Variants in CHL1 observed in about 807,000 individuals in gnomAD.
CHL1 encodes the protein cell adhesion molecule L1 like.
CHL1 carries 96 observed loss-of-function variants against 141.9 expected under a neutral mutation model. The ratio of observed to expected loss-of-function variants is 0.68; its 90% CI spans 0.57 to 0.80. The LOEUF is 0.80. CHL1 is among the 30% of genes least tolerant of loss of function. The pLI is 0.00. For synonymous variants in CHL1, 613 were observed against 502.2 expected, an observed-to-expected ratio of 1.22 and a Z score of -2.95; for missense variants, 1,820 against 1,457.2, an observed-to-expected ratio of 1.25 and a Z score of -4.05.
intron 1 of CHL1, among the ~76,000 whole-genome samples, chr3:240,142 T>A (rs1692412683): frequency 6.6e-6 from 1 of 152,218 alleles, no homozygotes; most frequent in African/African-American, 2.4e-5. Context: ...ATGGTAGAGC[T>A]ACTTTTAGTT....
Position 389,302 on chromosome 3 carries a change from C to G in CHL1, c.2298C>G (p.Thr766=). Residue 766 remains threonine (T), a synonymous_variant, in exon 20 of 28, where the codon ACC becomes ACG. Coordinates refer to ENST00000256509, the MANE Select transcript of CHL1 (RefSeq NM_006614.4). ...GACCAGGCCTAGAGTACAGAGTGACCTGGAAGCCACAGGGAGCCCCAGTGG... is the reference window on the plus strand; with the variant it reads ...GACCAGGCCTAGAGTACAGAGTGACGTGGAAGCCACAGGGAGCCCCAGTGG... ...QNGPGLEYRV[T]WKPQGAPVEW... is the part of the protein sequence containing the mutation. 6.2e-7 allele frequency: 1 copy of G among 1,613,958 alleles called. No homozygotes were observed. The highest frequency in any genetic ancestry group is 2.2e-5 in the East Asian group (1 of 44,868).
At chr3:254,908 A>G (rs1471926508) in intron 2 of CHL1, among the ~76,000 whole-genome samples, 3 of 152,168 alleles carry the variant, frequency 2.0e-5, no homozygotes, top group Non-Finnish European at 4.4e-5. Flanking sequence ...TTAAGTCTCA[A>G]CACTTGAATT....
Position 383,799 on chromosome 3 carries a change from T to C in CHL1, c.2177-17T>C. On this transcript the variant is annotated splice_polypyrimidine_tract_variant and intron_variant, in intron 18 of 27. Transcript: ENST00000256509. Reference sequence around the variant, plus strand: ...GGGTTAAAAGGAAAAATAATGTTAATGTTTTTAATTTTTCAGCTCCAGATA... The same window carrying C: ...GGGTTAAAAGGAAAAATAATGTTAACGTTTTTAATTTTTCAGCTCCAGATA... 1.3e-6 allele frequency: 2 copies of C among 1,594,552 alleles called. No individual in the cohort carries two copies. Among genetic ancestry groups the C allele is most frequent in the South Asian group, 1.1e-5 (1 of 90,268 alleles).
intron 2 of CHL1, among the ~76,000 whole-genome samples, chr3:308,403 T>C (rs1434284687): frequency 6.6e-6 from 1 of 152,058 alleles, no homozygotes; most frequent in East Asian, 1.9e-4. Context: ...CCCTTGTTTA[T>C]TTTAGTTTTA....
intron 2 of CHL1, among the ~76,000 whole-genome samples, chr3:258,069 A>G (rs903788359): frequency 6.6e-6 from 1 of 152,194 alleles, no homozygotes; most frequent in African/African-American, 2.4e-5. Context: ...GAAAGAGGAC[A>G]GTCTCCAAAG....
At chr3:360,811 A>C (rs1704172986) in intron 12 of CHL1, among the ~76,000 whole-genome samples, 1 of 136,512 alleles carries the variant, frequency 7.3e-6, no homozygotes, top group South Asian at 2.3e-4. Flanking sequence ...CTCATTGTTC[A>C]ATTCCCACCT....
At chr3:390,865 C>T (rs758357476) in intron 21 of CHL1, 49 bp downstream of exon 21, 2 of 1,503,296 alleles carry the variant, frequency 1.3e-6, no homozygotes, top group South Asian at 2.3e-5. Flanking sequence ...GGTATCTTTC[C>T]TGAGAATAAA....
intron 2 of CHL1, among the ~76,000 whole-genome samples, chr3:285,505 A>G (rs1460569586): frequency 6.6e-6 from 1 of 152,134 alleles, no homozygotes; most frequent in Admixed American, 6.6e-5. Flanking sequence ...TCTTTCCCTA[A>G]TTTTGCTTTC....
At chr3:308,199 G>A (rs966848942) in intron 2 of CHL1, among the ~76,000 whole-genome samples, 8 of 152,266 alleles carry the variant, frequency 5.3e-5, no homozygotes, top group Admixed American at 1.3e-4. Context: ...TTTATCAACC[G>A]TCTATATCTA....
intron 2 of CHL1, among the ~76,000 whole-genome samples, chr3:249,947 G>A (rs1488011382): frequency 1.3e-5 from 2 of 151,488 alleles, no homozygotes; most frequent in African/African-American, 4.8e-5. Flanking sequence ...ACTAACAAAA[G>A]ACAGATTAAT....
At chr3:197,993 T>A (rs1575583797) in intron 1 of CHL1, 1 of 353,970 alleles carries the variant, frequency 2.8e-6, no homozygotes, top group Admixed American at 3.6e-5. Flanking sequence ...GTTCCCACTC[T>A]CCGGGCTCGC....
At chr3:264,054 AT>A (rs1694963736) in intron 2 of CHL1, among the ~76,000 whole-genome samples, 1 of 152,166 alleles carries the variant, frequency 6.6e-6, no homozygotes, top group Admixed American at 6.5e-5. Context: ...TTTGTTTGAC[AT>A]TTCTTTGTCC....
At position 230,981 on chromosome 3, in the gene CHL1, C is replaced by G. The variant is rs567430883; in HGVS notation, c.-174-13632C>G. Among the ~76,000 whole-genome samples the G allele has an allele frequency of 9.6e-4, 146 of 152,282 alleles. 1 individual carries two copies. The Middle Eastern group carries it at 0.014, about 14-fold the overall frequency. ...AAGAATCCTTAGCTTTCCCCAGATG[C>G]TCACATGTGTTTGTGATCCTAATGG... is the stretch of plus-strand genomic sequence containing the variant. On this transcript the variant is annotated intron_variant, in intron 1 of 27. Coordinates refer to ENST00000256509, the MANE Select transcript of CHL1 (RefSeq NM_006614.4).
chr3:271,727 T>C (rs553426863), intron 2 of CHL1, among the ~76,000 whole-genome samples: 245 of 152,336 alleles, frequency 1.6e-3, no homozygotes, highest in African/African-American at 5.7e-3. Context: ...TAAGGTTATC[T>C]GAAAAATAGA....
intron 5 of CHL1, among the ~76,000 whole-genome samples, chr3:337,298 C>T (rs1701959084): frequency 6.6e-6 from 1 of 151,040 alleles, no homozygotes; most frequent in Non-Finnish European, 1.5e-5. Context: ...TCCCGCCATT[C>T]TCCTGCCTCA....
chr3:350,365 A>G (rs1703138453), intron 10 of CHL1, among the ~76,000 whole-genome samples: 1 of 152,166 alleles, frequency 6.6e-6, no homozygotes, highest in Admixed American at 6.6e-5. Context: ...TGTGGATCCA[A>G]TCACACTGAG....
intron 2 of CHL1, among the ~76,000 whole-genome samples, chr3:303,964 C>A (rs937957392): frequency 2.0e-5 from 3 of 152,154 alleles, no homozygotes; most frequent in African/African-American, 7.2e-5. Context: ...AAGGCCTTTT[C>A]TGTATCTATT....
chr3:372,710 C>G (rs985659945), intron 15 of CHL1, among the ~76,000 whole-genome samples: 1 of 151,934 alleles, frequency 6.6e-6, no homozygotes, highest in Non-Finnish European at 1.5e-5. Context: ...TTTGTTGATT[C>G]TTTCTCATCT....
Position 289,868 on chromosome 3 carries a change from A to G in CHL1, c.-94-29815A>G, listed in dbSNP as rs557379321. 4.6e-5 allele frequency among the ~76,000 whole-genome samples: 7 copies of G among 151,766 alleles called. No individual in the cohort carries two copies. In the East Asian group the frequency reaches 1.2e-3, roughly 25 times the overall value. On this transcript the variant is annotated intron_variant, in intron 2 of 27. Transcript: ENST00000256509. ...GATGCTCATGTGCTTTCGAGCATCA[A>G]ATATACCAAAAAAATGATCATTTTT...
Sources: gnomAD v4.1 joint callset for allele counts (sites outside exome capture counted in the v4.1 genomes callset) on GRCh38, gnomAD v4.1.1 for gene constraint, MANE v1.5 for transcripts, NCBI Gene and HGNC (gene_info 2026-07-23, HGNC 2026-07-21) for gene names.